LPCAT3: variants seen among roughly 807,000 people sequenced by gnomAD.
LPCAT3 encodes the protein lysophosphatidylcholine acyltransferase 3, also known as lysophospholipid acyltransferase 5.
Under a neutral mutation model 63.4 loss-of-function variants are expected in LPCAT3, and 21 were observed. The observed-to-expected ratio is 0.33, with a 90% CI of 0.23 to 0.48. The LOEUF (loss-of-function observed/expected upper bound fraction) is 0.48, where lower values mean the gene tolerates loss of function less well. LPCAT3 is among the 20% of genes least tolerant of loss of function. LPCAT3 has a pLI of 0.99. For synonymous variants in LPCAT3, 242 were observed against 227.5 expected (o/e 1.06, Z -0.58); for missense variants, 451 against 590.6 (o/e 0.76, Z 2.45).
intron 7 of LPCAT3, 21 bp from the exon 8 acceptor site, chr12:6,978,710 T>C: frequency 6.2e-7 from 1 of 1,613,038 alleles, no homozygotes; most frequent in East Asian, 2.2e-5. Flanking sequence ...GAAAGCACAG[T>C]GCATTAGGGA....
At chr12:7,006,508 G>A (rs1555156869) in intron 1 of LPCAT3, among the ~76,000 whole-genome samples, 1 of 152,146 alleles carries the variant, frequency 6.6e-6, no homozygotes, top group African/African-American at 2.4e-5. Context: ...CGTGAGCCAT[G>A]GTGCCTGGCC....
chr12:6,980,931 GC>G (rs371928918), intron 6 of LPCAT3, 72 bp downstream of exon 6: 10 of 1,410,190 alleles, frequency 7.1e-6, no homozygotes, highest in East Asian at 4.7e-5. Flanking sequence ...GCTGGAGAAT[GC>G]AGCTTTCAGA....
At chr12:6,984,298 T>C (rs1318232325) in intron 1 of LPCAT3, among the ~76,000 whole-genome samples, 1 of 152,234 alleles carries the variant, frequency 6.6e-6, no homozygotes, top group Non-Finnish European at 1.5e-5. Flanking sequence ...TTCTGATGGG[T>C]CATGAACTGA....
At chr12:7,008,535 C>T (rs1439395418) in intron 1 of LPCAT3, among the ~76,000 whole-genome samples, 1 of 152,094 alleles carries the variant, frequency 6.6e-6, no homozygotes, top group African/African-American at 2.4e-5. Context: ...TGCTATATTG[C>T]TTAAGGTGGT....
chr12:6,980,975 C>T (rs782302429), intron 6 of LPCAT3, 29 bp downstream of exon 6: 6 of 1,545,904 alleles, frequency 3.9e-6, no homozygotes, highest in South Asian at 1.3e-5. Context: ...AATACCTACA[C>T]AAACATCTGG....
chr12:7,000,770 G>T (rs367580708), intron 1 of LPCAT3, among the ~76,000 whole-genome samples: 2 of 151,286 alleles, frequency 1.3e-5, no homozygotes, highest in African/African-American at 4.9e-5. Flanking sequence ...GCAGTGGCGC[G>T]ATCTCGGCTC....
intron 1 of LPCAT3, among the ~76,000 whole-genome samples, chr12:7,008,212 G>A (rs1946739990): frequency 6.6e-6 from 1 of 152,042 alleles, no homozygotes; most frequent in African/African-American, 2.4e-5. Flanking sequence ...AAATAATGAT[G>A]TATACAGTAT....
In LPCAT3 at chr12:7,018,447, G is replaced by A; in HGVS notation, c.-23C>T. The stretch of plus-strand genomic sequence containing the variant: ...CATCTTAACTCCGGGAGCCCCACAG[G>A]GACCCCCCAGCTCCGCGCGCCCCGA... On this transcript the variant is annotated 5_prime_UTR_variant, in exon 1 of 13. Transcript: ENST00000261407. This position sits in a 1 kb window ranked among gnomAD's most constrained non-coding sequence, Gnocchi z 4.9. 6.3e-7 allele frequency: 1 copy of A among 1,575,178 alleles called. No individual in the cohort carries two copies. The highest frequency in any genetic ancestry group is 8.6e-7 in the Non-Finnish European group (1 of 1,158,150).
chr12:6,977,490 G>C lies in LPCAT3; in HGVS notation c.1224C>G (p.Ser408Arg), dbSNP rs781973336. ...ARLIQESPTL[S>R]KLAAITVLQP... ...GGAGGACAGTAATGGCGGCCAGCTTGCTCAGGGTGGGGCTCTCTTGAATGA... is the reference window on the plus strand; with the variant it reads ...GGAGGACAGTAATGGCGGCCAGCTTCCTCAGGGTGGGGCTCTCTTGAATGA... Residue 408 changes from serine to arginine, a missense_variant, in exon 11 of 13, where the codon AGC becomes AGG. Physicochemically the swap from Ser to Arg is moderately radical, Grantham distance 110. This residue lies in a region of LPCAT3 where 304 missense variants were observed against 390.8 expected (regional missense o/e 0.78). Transcript: ENST00000261407. The surrounding 1 kb of genome is among the most constrained non-coding windows in gnomAD (Gnocchi z 4.5). 25 of 1,614,224 alleles carry C rather than the reference G, an allele frequency of 1.5e-5. No homozygotes were observed. The South Asian group carries it at 2.5e-4, about 16-fold the overall frequency.
chr12:6,981,189 CAAG>C lies in LPCAT3; in HGVS notation c.499-10_499-8del. The C allele has an allele frequency of 1.2e-6, 2 of 1,600,942 alleles. No individual in the cohort carries two copies. The highest frequency in any genetic ancestry group is 1.7e-6 in the Non-Finnish European group (2 of 1,173,932). ...GCTCAGAGGACAAGGAATTCTATGC[CAAG>C]AAGAGAATGCATGGTTCAGGATAGC... On this transcript the variant is annotated splice_polypyrimidine_tract_variant and splice_region_variant and intron_variant, in intron 5 of 12. Coordinates refer to ENST00000261407, the MANE Select transcript of LPCAT3 (RefSeq NM_005768.6).
At chr12:6,992,066 C>T (rs782008721) in intron 1 of LPCAT3, among the ~76,000 whole-genome samples, 1 of 151,144 alleles carries the variant, frequency 6.6e-6, no homozygotes, top group Non-Finnish European at 1.5e-5. Flanking sequence ...GTGGTGCATA[C>T]CAGTTAAAAA....
chr12:7,005,468 T>C (rs1057338473), intron 1 of LPCAT3, among the ~76,000 whole-genome samples: 11 of 152,250 alleles, frequency 7.2e-5, no homozygotes, highest in Non-Finnish European at 1.3e-4. Context: ...AGGAATGGAA[T>C]TGCTGGGTCA....
Position 6,977,708 on chromosome 12 carries a change from C to A in LPCAT3, c.1078G>T (p.Glu360Ter). ...FKRLKFLGNK[E>*]LSQGLSLLFL... Reference sequence around the variant, plus strand: ...AGCAACGAGAGACCCTGAGAGAGTTCTTTATTTCCAAGGAACTTGAGTCGT... The same window carrying A: ...AGCAACGAGAGACCCTGAGAGAGTTATTTATTTCCAAGGAACTTGAGTCGT... Residue 360 changes from glutamate (E) to a stop codon, truncating the protein, a stop_gained, in exon 10 of 13, where the codon GAA (glutamate) becomes TAA (stop). Coordinates refer to ENST00000261407, the MANE Select transcript of LPCAT3 (RefSeq NM_005768.6). LOFTEE classifies it high-confidence loss of function. The surrounding 1 kb of genome is among the most constrained non-coding windows in gnomAD (Gnocchi z 4.5). The A allele has an allele frequency of 6.2e-7, 1 of 1,614,166 alleles. No homozygotes were observed.
intron 6 of LPCAT3, 75 bp from the exon 7 acceptor site, chr12:6,979,654 G>A (rs1344632930): frequency 1.1e-5 from 11 of 1,023,164 alleles, no homozygotes; most frequent in African/African-American, 9.4e-5. Context: ...CTTCAGTTAT[G>A]GAGAGGAGTG....
At chr12:7,016,206 A>C (rs1591560177) in intron 1 of LPCAT3, among the ~76,000 whole-genome samples, 2 of 141,516 alleles carry the variant, frequency 1.4e-5, no homozygotes, top group African/African-American at 2.7e-5. Context: ...TGATCCTCCC[A>C]CCTCAATCTC....
chr12:6,984,108 T>TAA (rs1946499409), intron 1 of LPCAT3, among the ~76,000 whole-genome samples: 1 of 152,258 alleles, frequency 6.6e-6, no homozygotes, highest in Admixed American at 6.5e-5. Flanking sequence ...AATATCAGGC[T>TAA]AAATACTGGA....
chr12:6,987,910 C>G lies in LPCAT3; in HGVS notation c.152-4371G>C. The G allele has an allele frequency of 2.5e-6, 1 of 400,406 alleles. No individual in the cohort carries two copies. 24.8% of individuals were successfully genotyped at this position (400,406 alleles called of 1,614,324 possible). A position where few individuals can be genotyped will look rare whatever the true frequency, so the allele number is the denominator to read the frequency against. On this transcript the variant is annotated intron_variant, in intron 1 of 12. Transcript: ENST00000261407. The surrounding 1 kb of genome is among the most constrained non-coding windows in gnomAD (Gnocchi z 4.1). ...GAGTTCTGAGTTCTTGTGTCCACTT[C>G]TTATAGCCTGTCTGTCCCTTTCCTT...
intron 1 of LPCAT3, among the ~76,000 whole-genome samples, chr12:6,996,470 A>T (rs1187699294): frequency 6.6e-6 from 1 of 151,904 alleles, no homozygotes; most frequent in African/African-American, 2.4e-5. Flanking sequence ...CATATATCTT[A>T]CTTTTCAGTC....
At chr12:7,009,522 GT>G (rs1331697696) in intron 1 of LPCAT3, among the ~76,000 whole-genome samples, 1 of 152,200 alleles carries the variant, frequency 6.6e-6, no homozygotes, top group Non-Finnish European at 1.5e-5. Flanking sequence ...TCAATCAGTA[GT>G]TTTGGAGTAG....
Sources: gnomAD v4.1 joint callset for allele counts (sites outside exome capture counted in the v4.1 genomes callset) on GRCh38, gnomAD v4.1.1 for gene constraint, gnomAD v4.1.1 regional missense constraint, Gnocchi (gnomAD v3.1) non-coding constraint, MANE v1.5 for transcripts, NCBI Gene and HGNC (gene_info 2026-07-23, HGNC 2026-07-21) for gene names.